The following IGF2BP2 variants were observed in gnomAD, a reference collection of about 807,000 sequenced individuals.
The protein encoded by IGF2BP2 is insulin like growth factor 2 mRNA binding protein 2.
A neutral mutation model predicts 75.8 loss-of-function variants in IGF2BP2; 17 were observed. The observed-to-expected ratio is 0.22, with a 90% confidence interval of 0.15 to 0.34. IGF2BP2 has a LOEUF of 0.34. Ranked by LOEUF, IGF2BP2 falls within the 10% of genes least tolerant of loss-of-function variation. The pLI is 1.00. For missense variants in IGF2BP2, 516 were observed against 772.4 expected (o/e 0.67, Z 3.93); for synonymous variants, 288 against 295.6 (o/e 0.97, Z 0.26).
intron 2 of IGF2BP2, among the ~76,000 whole-genome samples, chr3:185,813,246 A>T (rs1172063073): frequency 2.0e-5 from 3 of 152,228 alleles, no homozygotes; most frequent in Non-Finnish European, 4.4e-5. Flanking sequence ...TAAACATTTT[A>T]AAAAATAATA....
At chr3:185,745,828 T>C (rs974368754) in intron 2 of IGF2BP2, among the ~76,000 whole-genome samples, 1 of 151,908 alleles carries the variant, frequency 6.6e-6, no homozygotes, top group African/African-American at 2.4e-5. Context: ...GTATTGTGAA[T>C]GCCACTGGGT....
rs960922568 is a variant in IGF2BP2, at chr3:185,825,017, C to T, written c.-57G>A. ...CGGCCCGGTACCCGGCGCTCCTCGC[C>T]TCCTCCGCTGCCCTCGTCTCTCCTC... On this transcript the variant is annotated 5_prime_UTR_variant, in exon 1 of 16. Transcript: ENST00000382199. 1 of 1,366,632 alleles carries T rather than the reference C, an allele frequency of 7.3e-7. No homozygotes were observed. Among genetic ancestry groups the T allele is most frequent in the Non-Finnish European group, 9.7e-7 (1 of 1,027,922 alleles). The allele number at this position is 1,366,632 out of a possible 1,614,324, so 84.7% of individuals were successfully genotyped here. A position where few individuals can be genotyped will look rare whatever the true frequency, so the allele number is the denominator to read the frequency against.
At position 185,689,692 on chromosome 3, in the gene IGF2BP2, G is replaced by C. The variant is rs527593176; in HGVS notation, c.405-65C>G. The C allele has an allele frequency of 3.1e-5, 49 of 1,598,454 alleles. 1 individual carries two copies. In the South Asian group the frequency reaches 5.2e-4, roughly 17 times the overall value. ...ACATCAAGAAAGACCCTCCCGGCCG[G>C]GCGCGGTGGCTCACGCCTGTAATCC... On this transcript the variant is annotated intron_variant, in intron 5 of 15. Coordinates refer to ENST00000382199, the MANE Select transcript of IGF2BP2 (RefSeq NM_006548.6).
rs1291448992 is a variant in IGF2BP2, at chr3:185,650,584, C to T, written c.1462-1050G>A. On this transcript the variant is annotated intron_variant, in intron 13 of 15. Coordinates refer to ENST00000382199, the MANE Select transcript of IGF2BP2 (RefSeq NM_006548.6). ...TCCAGCTACTCAGGAGGTTGAAGCA[C>T]GACAATCACTTGAACCCGAGAGATG... 7.2e-5 allele frequency among the ~76,000 whole-genome samples: 11 copies of T among 151,736 alleles called. 1 individual carries two copies. The highest frequency in any genetic ancestry group is 1.3e-4 in the Non-Finnish European group (9 of 67,966).
intron 2 of IGF2BP2, among the ~76,000 whole-genome samples, chr3:185,809,201 A>G (rs1162422189): frequency 6.6e-6 from 1 of 151,794 alleles, no homozygotes; most frequent in Non-Finnish European, 1.5e-5. Flanking sequence ...AGAAATACCT[A>G]TAAGGAAAAT....
chr3:185,787,569 C>A (rs774457163), intron 2 of IGF2BP2, among the ~76,000 whole-genome samples: 1 of 152,110 alleles, frequency 6.6e-6, no homozygotes, highest in Non-Finnish European at 1.5e-5. Flanking sequence ...CCCACCTCTA[C>A]TAAAGATACA....
chr3:185,658,556 C>A, intron 10 of IGF2BP2, 147 bp from the exon 11 acceptor site: 1 of 625,696 alleles, frequency 1.6e-6, no homozygotes, highest in South Asian at 2.0e-5. Context: ...CCCTCTGTGT[C>A]TCAGATCTCT....
At chr3:185,701,380 A>C (rs893810059) in intron 2 of IGF2BP2, among the ~76,000 whole-genome samples, 1 of 150,668 alleles carries the variant, frequency 6.6e-6, no homozygotes, top group Non-Finnish European at 1.5e-5. Context: ...AAAAAAAAAA[A>C]AAAGAAAGAA....
intron 7 of IGF2BP2, among the ~76,000 whole-genome samples, chr3:185,682,588 A>G (rs1169817006): frequency 6.6e-6 from 1 of 152,202 alleles, no homozygotes; most frequent in Non-Finnish European, 1.5e-5. Flanking sequence ...TCCCATAACG[A>G]AAGAATCAAA....
intron 2 of IGF2BP2, among the ~76,000 whole-genome samples, chr3:185,759,787 G>T (rs1732113593): frequency 6.6e-6 from 1 of 152,194 alleles, no homozygotes; most frequent in Non-Finnish European, 1.5e-5. Flanking sequence ...CATGAGCAAG[G>T]ACTCTGGCTA....
At chr3:185,716,285 T>A (rs1472056057) in intron 2 of IGF2BP2, among the ~76,000 whole-genome samples, 1 of 152,214 alleles carries the variant, frequency 6.6e-6, no homozygotes, top group African/African-American at 2.4e-5. Context: ...CCCAGCATAT[T>A]TTTGGAATTC....
At chr3:185,818,101 G>A (rs186558782) in intron 2 of IGF2BP2, among the ~76,000 whole-genome samples, 2 of 152,008 alleles carry the variant, frequency 1.3e-5, no homozygotes, top group African/African-American at 4.8e-5. Context: ...TCAATATAAC[G>A]CTTCTTCTAA....
At chr3:185,667,178 C>A (rs906472331) in intron 10 of IGF2BP2, among the ~76,000 whole-genome samples, 3 of 152,058 alleles carry the variant, frequency 2.0e-5, no homozygotes, top group African/African-American at 4.8e-5. Flanking sequence ...GTGGATTACT[C>A]AATAAATGAT....
At chr3:185,732,142 C>G (rs1399466411) in intron 2 of IGF2BP2, among the ~76,000 whole-genome samples, 1 of 152,156 alleles carries the variant, frequency 6.6e-6, no homozygotes, top group Non-Finnish European at 1.5e-5. Context: ...CCCCGGGAAC[C>G]CTGTATATCC....
intron 2 of IGF2BP2, among the ~76,000 whole-genome samples, chr3:185,793,046 T>C (rs1736862213): frequency 6.6e-6 from 1 of 152,180 alleles, no homozygotes; most frequent in Non-Finnish European, 1.5e-5. Context: ...CTTCAAACTA[T>C]TCAGATCTCA....
chr3:185,779,702 T>A (rs1734961329), intron 2 of IGF2BP2, among the ~76,000 whole-genome samples: 1 of 152,120 alleles, frequency 6.6e-6, no homozygotes, highest in Non-Finnish European at 1.5e-5. Flanking sequence ...GTCTGCACGC[T>A]AAGGTTTACA....
chr3:185,731,246 C>CTTTTTTCTTT (rs1553874599), intron 2 of IGF2BP2, among the ~76,000 whole-genome samples: 2 of 129,254 alleles, frequency 1.5e-5, no homozygotes, highest in African/African-American at 5.7e-5. Context: ...GCATCACTTT[C>CTTTTTTCTTT]TTTTTTTTTT....
intron 2 of IGF2BP2, among the ~76,000 whole-genome samples, chr3:185,721,007 G>A (rs531384437): frequency 1.3e-5 from 2 of 152,252 alleles, no homozygotes; most frequent in South Asian, 2.1e-4. Flanking sequence ...GTGTGCACAC[G>A]CTTGCACACA....
At chr3:185,808,739 T>TTTTA (rs1553896456) in intron 2 of IGF2BP2, among the ~76,000 whole-genome samples, 1 of 151,170 alleles carries the variant, frequency 6.6e-6, no homozygotes, top group Admixed American at 6.6e-5. Context: ...TTTTTTTTTT[T>TTTTA]ATCATTTTAG....
Sources: gnomAD v4.1 joint callset for allele counts (sites outside exome capture counted in the v4.1 genomes callset) on GRCh38, gnomAD v4.1.1 for gene constraint, MANE v1.5 for transcripts, NCBI Gene and HGNC (gene_info 2026-07-23, HGNC 2026-07-21) for gene names.